The following PKP4 variants were observed in gnomAD, a reference collection of about 807,000 sequenced individuals.
PKP4 encodes the protein plakophilin 4.
Under a neutral mutation model 145.1 loss-of-function variants are expected in PKP4, and 90 were observed. The observed-to-expected ratio is 0.62, with a 90% confidence interval of 0.52 to 0.74. The LOEUF (loss-of-function observed/expected upper bound fraction) is 0.74. Ranked by LOEUF, PKP4 falls within the 30% of genes least tolerant of loss-of-function variation. The pLI, the probability that PKP4 is intolerant of heterozygous loss-of-function variation, is 0.00. For missense variants in PKP4, 1,340 were observed against 1,482.7 expected (o/e 0.90, Z 1.58); for synonymous variants, 563 against 577.2 (o/e 0.98, Z 0.35).
rs572560213 is a variant in PKP4, at chr2:158,532,108, G to A, written c.-5-1072G>A. 9.9e-5 allele frequency among the ~76,000 whole-genome samples: 15 copies of A among 152,160 alleles called. No homozygotes were observed. The South Asian group carries it at 2.5e-3, about 25-fold the overall frequency. Reference sequence around the variant, plus strand: ...CTGATACTGAAATTTGAGGGAATGGGGTAACAAGTCCCAGATCAAGCTATA... The same window carrying A: ...CTGATACTGAAATTTGAGGGAATGGAGTAACAAGTCCCAGATCAAGCTATA... On this transcript the variant is annotated intron_variant, in intron 1 of 21. Transcript: ENST00000389759.
chr2:158,657,520 TAGA>T (rs1311100218), intron 11 of PKP4, among the ~76,000 whole-genome samples: 1 of 152,194 alleles, frequency 6.6e-6, no homozygotes, highest in Non-Finnish European at 1.5e-5. Flanking sequence ...AAAATTGAGA[TAGA>T]AGTGTTTAAA....
At chr2:158,565,240 G>C (rs534850496) in intron 2 of PKP4, among the ~76,000 whole-genome samples, 89 of 152,254 alleles carry the variant, frequency 5.8e-4, no homozygotes, top group African/African-American at 2.0e-3. Context: ...GACTTAAAAG[G>C]AAAGTTAGAC....
intron 1 of PKP4, among the ~76,000 whole-genome samples, chr2:158,479,281 T>C (rs1213535702): frequency 1.3e-5 from 2 of 152,104 alleles, no homozygotes; most frequent in African/African-American, 4.8e-5. Flanking sequence ...TGGAGTGCAG[T>C]GGCACAATCT....
intron 17 of PKP4, among the ~76,000 whole-genome samples, chr2:158,673,324 T>C (rs2057727912): frequency 2.0e-5 from 3 of 152,188 alleles, no homozygotes; most frequent in Non-Finnish European, 4.4e-5. Flanking sequence ...TGTAGAGTCA[T>C]GGTTGCATGA....
chr2:158,484,591 A>G (rs1485435476), intron 1 of PKP4, among the ~76,000 whole-genome samples: 4 of 152,202 alleles, frequency 2.6e-5, no homozygotes, highest in Non-Finnish European at 5.9e-5. Flanking sequence ...CCTGTTGAAT[A>G]TACACGTAGA....
chr2:158,470,130 GC>G (rs1691317875), intron 1 of PKP4, among the ~76,000 whole-genome samples: 1 of 152,184 alleles, frequency 6.6e-6, no homozygotes, highest in Non-Finnish European at 1.5e-5. Context: ...CTGTGTCATA[GC>G]CATCACTGTA....
intron 2 of PKP4, among the ~76,000 whole-genome samples, chr2:158,562,935 TC>T (rs2046670691): frequency 6.6e-6 from 1 of 152,168 alleles, no homozygotes; most frequent in African/African-American, 2.4e-5. Flanking sequence ...AGTTGCTCTT[TC>T]CTTCCTTACT....
intron 17 of PKP4, among the ~76,000 whole-genome samples, chr2:158,672,946 A>T (rs982115663): frequency 1.3e-5 from 2 of 152,200 alleles, no homozygotes; most frequent in Non-Finnish European, 1.5e-5. Context: ...AGTTGTCCTT[A>T]GGGCTAACTC....
chr2:158,625,428 G>T lies in PKP4; in HGVS notation c.1153+1G>T. ...CCACCCAGGCCAGACAGCCTGACAG[G>T]TGCGTACAAGGTGACAGTGCTACAT... On this transcript the variant is annotated splice_donor_variant, in intron 7 of 21. Coordinates refer to ENST00000389759, the MANE Select transcript of PKP4 (RefSeq NM_003628.6). LOFTEE classifies it high-confidence loss of function. 2 of 1,605,130 alleles carry T rather than the reference G, an allele frequency of 1.2e-6. No individual in the cohort carries two copies. Among genetic ancestry groups the T allele is most frequent in the Non-Finnish European group, 1.7e-6 (2 of 1,173,506 alleles).
intron 2 of PKP4, among the ~76,000 whole-genome samples, chr2:158,540,564 A>G (rs1343169293): frequency 2.6e-5 from 4 of 152,160 alleles, no homozygotes; most frequent in Non-Finnish European, 5.9e-5. Flanking sequence ...AGAGGCACAA[A>G]CCGTATTTAT....
chr2:158,592,831 A>T (rs774324815), intron 3 of PKP4, among the ~76,000 whole-genome samples: 1 of 152,178 alleles, frequency 6.6e-6, no homozygotes, highest in Non-Finnish European at 1.5e-5. Context: ...ATAATGTACG[A>T]AATTAAATTG....
At chr2:158,619,002 AC>A (rs1181975422) in intron 4 of PKP4, among the ~76,000 whole-genome samples, 1 of 152,170 alleles carries the variant, frequency 6.6e-6, no homozygotes, top group Non-Finnish European at 1.5e-5. Flanking sequence ...CCACAGTGGT[AC>A]TTTTTATCTG....
At chr2:158,483,691 A>G (rs1353796752) in intron 1 of PKP4, among the ~76,000 whole-genome samples, 1 of 152,156 alleles carries the variant, frequency 6.6e-6, no homozygotes, top group Non-Finnish European at 1.5e-5. Context: ...CCTAACATTA[A>G]GAAAAATACT....
chr2:158,618,734 GT>G lies in PKP4; in HGVS notation c.281-2246del, dbSNP rs997814214. 1.4e-4 allele frequency among the ~76,000 whole-genome samples: 20 copies of G among 147,644 alleles called. No homozygotes were observed. The East Asian group carries it at 2.0e-3, about 15-fold the overall frequency. ...TTTTAGGGTATGTTTCTCTTTTTCT[GT>G]TTTTTTTTTAAGCTCTGAATAGCTT... On this transcript the variant is annotated intron_variant, in intron 4 of 21. Coordinates refer to ENST00000389759, the MANE Select transcript of PKP4 (RefSeq NM_003628.6).
intron 19 of PKP4, among the ~76,000 whole-genome samples, chr2:158,675,397 A>T (rs2528593): frequency 6.6e-6 from 1 of 151,746 alleles, no homozygotes; most frequent in East Asian, 1.9e-4. Context: ...ATTACTCTTC[A>T]ATGTGGCCCA....
At chr2:158,550,482 G>A (rs1370284459) in intron 2 of PKP4, among the ~76,000 whole-genome samples, 2 of 152,198 alleles carry the variant, frequency 1.3e-5, no homozygotes, top group African/African-American at 2.4e-5. Context: ...GTGGTTGTGA[G>A]TCCTTGGACA....
chr2:158,572,689 C>T (rs2047510630), intron 2 of PKP4, among the ~76,000 whole-genome samples: 1 of 152,142 alleles, frequency 6.6e-6, no homozygotes, highest in Admixed American at 6.5e-5. Flanking sequence ...GACATTTTCC[C>T]CCGATAGTTA....
chr2:158,627,454 G>A (rs1163557416), intron 7 of PKP4, among the ~76,000 whole-genome samples: 2 of 151,898 alleles, frequency 1.3e-5, no homozygotes, highest in Admixed American at 6.6e-5. Flanking sequence ...GTCTTGGGGG[G>A]AAAATATATA....
At chr2:158,653,514 A>C (rs2105957649) in intron 11 of PKP4, among the ~76,000 whole-genome samples, 1 of 152,306 alleles carries the variant, frequency 6.6e-6, no homozygotes, top group Admixed American at 6.5e-5. Context: ...GGTTACTCAT[A>C]ATTATATGTA....
Sources: allele counts gnomAD v4.1 joint callset (sites outside exome capture counted in the v4.1 genomes callset), GRCh38; gene constraint gnomAD v4.1.1; transcripts MANE v1.5; gene names NCBI Gene and HGNC (gene_info 2026-07-23, HGNC 2026-07-21).